Variants in SMIM10L3 observed in about 807,000 individuals in gnomAD.
The protein encoded by SMIM10L3 is small integral membrane protein 10 like 3.
At chr7:6,340,884 G>C in the SMIM10L3 span, among the ~76,000 whole-genome samples, 1 of 126,060 alleles carries the variant, frequency 7.9e-6, no homozygotes, top group South Asian at 3.0e-4. Flanking sequence ...GGGCGACAGA[G>C]TGAGACTCCA....
At chr7:6,331,447 G>A in the SMIM10L3 span, among the ~76,000 whole-genome samples, 354 of 152,284 alleles carry the variant, frequency 2.3e-3, 1 homozygote, top group African/African-American at 8.2e-3. Context: ...ACAGGTGTGA[G>A]CCACCATGCC....
chr7:6,335,256 CTT>C, the SMIM10L3 span, among the ~76,000 whole-genome samples: 113 of 151,508 alleles, frequency 7.5e-4, 1 homozygote, highest in Non-Finnish European at 1.2e-3. Flanking sequence ...GAGTCTCGCT[CTT>C]GTTGCCCAGG....
At chr7:6,330,230 A>T in the SMIM10L3 span, 5 of 802,414 alleles carry the variant, frequency 6.2e-6, no homozygotes, top group Admixed American at 3.1e-5. Flanking sequence ...TTGAATTTAA[A>T]CTCAATTTAC....
At chr7:6,330,385 C>CATA in the SMIM10L3 span, 2 of 1,611,648 alleles carry the variant, frequency 1.2e-6, no homozygotes, top group East Asian at 4.5e-5. Context: ...TTAACTATGG[C>CATA]ATAATGTATT....
At chr7:6,337,707 T>C in the SMIM10L3 span, among the ~76,000 whole-genome samples, 11 of 151,810 alleles carry the variant, frequency 7.2e-5, no homozygotes, top group Admixed American at 7.2e-4. Context: ...TCAATCATGA[T>C]AGAATAAATT....
the SMIM10L3 span, among the ~76,000 whole-genome samples, chr7:6,347,793 T>C: frequency 3.3e-5 from 5 of 151,598 alleles, no homozygotes; most frequent in Non-Finnish European, 4.4e-5. Context: ...TGGTGGCTCA[T>C]GCCTATAATC....
the SMIM10L3 span, chr7:6,348,957 C>T: frequency 7.9e-6 from 3 of 377,374 alleles, no homozygotes; most frequent in Non-Finnish European, 1.4e-5. Context: ...ACCAGCCTGG[C>T]CGCGCAGCCT....
chr7:6,342,835 G>A, the SMIM10L3 span, among the ~76,000 whole-genome samples: 3 of 151,788 alleles, frequency 2.0e-5, no homozygotes, highest in African/African-American at 7.2e-5. Flanking sequence ...CCAGGAGTTC[G>A]AGACCACCCT....
the SMIM10L3 span, chr7:6,330,440 G>A: frequency 6.2e-7 from 1 of 1,614,136 alleles, no homozygotes; most frequent in South Asian, 1.1e-5. Flanking sequence ...AGTGTTATCT[G>A]CAGACCATCT....
At chr7:6,337,881 G>T in the SMIM10L3 span, among the ~76,000 whole-genome samples, 2 of 151,676 alleles carry the variant, frequency 1.3e-5, 1 homozygote, top group African/African-American at 4.9e-5. Flanking sequence ...TTGGCTCACT[G>T]CAACCTCCGC....
the SMIM10L3 span, among the ~76,000 whole-genome samples, chr7:6,341,334 T>G: frequency 6.6e-6 from 1 of 151,066 alleles, no homozygotes; most frequent in South Asian, 2.1e-4. Flanking sequence ...TCCCAGCTAC[T>G]CGGGAGGCTG....
chr7:6,347,984 C>T, the SMIM10L3 span, among the ~76,000 whole-genome samples: 346 of 151,132 alleles, frequency 2.3e-3, 1 homozygote, highest in African/African-American at 7.7e-3. Flanking sequence ...GATCTCGGCT[C>T]ACCGCAACCT....
chr7:6,345,221 G>A, the SMIM10L3 span, among the ~76,000 whole-genome samples: 3 of 151,388 alleles, frequency 2.0e-5, no homozygotes, highest in Non-Finnish European at 4.4e-5. Flanking sequence ...TGGCTCAAGC[G>A]ATCCTCCCAC....
the SMIM10L3 span, among the ~76,000 whole-genome samples, chr7:6,339,238 T>C: frequency 6.6e-6 from 1 of 151,814 alleles, no homozygotes; most frequent in African/African-American, 2.4e-5. Flanking sequence ...GAGGCCGAGG[T>C]GGGGAGATCA....
the SMIM10L3 span, chr7:6,331,031 C>G: frequency 9.3e-6 from 15 of 1,613,944 alleles, no homozygotes; most frequent in African/African-American, 1.1e-4. Flanking sequence ...GAGGGTGCAT[C>G]TGCAGGCCAA....
the SMIM10L3 span, among the ~76,000 whole-genome samples, chr7:6,340,954 C>A: frequency 8.3e-6 from 1 of 120,838 alleles, no homozygotes; most frequent in African/African-American, 3.6e-5. Context: ...ATGGTGAAAC[C>A]CTGTCTCTAC....
the SMIM10L3 span, chr7:6,348,545 G>C: frequency 4.7e-6 from 2 of 421,814 alleles, no homozygotes; most frequent in South Asian, 6.6e-5. Context: ...GGGGAGGGCC[G>C]GGGGCCGGGC....
chr7:6,345,322 C>T, the SMIM10L3 span, among the ~76,000 whole-genome samples: 1 of 151,724 alleles, frequency 6.6e-6, no homozygotes, highest in Non-Finnish European at 1.5e-5. Context: ...GCTGTGTTGC[C>T]CAGGCTGGTC....
At chr7:6,333,037 A>T in the SMIM10L3 span, among the ~76,000 whole-genome samples, 1 of 151,684 alleles carries the variant, frequency 6.6e-6, no homozygotes, top group Admixed American at 6.6e-5. Flanking sequence ...GGTGCCTGTA[A>T]TCCCAGCTAC....
Sources: allele counts gnomAD v4.1 joint callset (sites outside exome capture counted in the v4.1 genomes callset), GRCh38; gene constraint gnomAD v4.1.1; transcripts MANE v1.5; gene names NCBI Gene and HGNC (gene_info 2026-07-23, HGNC 2026-07-21).